The following CFAP54 variants were observed in gnomAD, a reference collection of about 807,000 sequenced individuals.
CFAP54 encodes cilia and flagella associated protein 54, also known as cilia- and flagella-associated protein 54.
In CFAP54, 290 loss-of-function variants were observed where a neutral mutation model predicts 370.4. The observed-to-expected ratio is 0.78, with a 90% confidence interval of 0.71 to 0.86. CFAP54 has a LOEUF of 0.86. CFAP54 is among the 40% of genes least tolerant of loss of function. The pLI is 0.00. For missense variants in CFAP54, 3,399 were observed against 3,528.7 expected (o/e 0.96, Z 0.93); for synonymous variants, 1,206 against 1,236.5 (o/e 0.98, Z 0.52).
At chr12:96,727,578 A>C (rs983948699) in intron 50 of CFAP54, among the ~76,000 whole-genome samples, 1 of 150,466 alleles carries the variant, frequency 6.6e-6, no homozygotes, top group Admixed American at 6.6e-5. Flanking sequence ...GTCTCTGCAC[A>C]TGAGATGGGT....
intron 66 of CFAP54, among the ~76,000 whole-genome samples, chr12:96,840,614 C>A (rs1592802125): frequency 9.7e-6 from 1 of 102,888 alleles, no homozygotes; most frequent in East Asian, 3.0e-4. Context: ...TCTTTCTTTT[C>A]TCTGTTTCTT....
chr12:96,494,960 C>T (rs1208179814), intron 1 of CFAP54, among the ~76,000 whole-genome samples: 4 of 151,988 alleles, frequency 2.6e-5, no homozygotes, highest in Admixed American at 6.5e-5. Context: ...ATCTTGACCT[C>T]GTGATCCGAC....
At chr12:96,683,652 CA>C (rs1224668284) in intron 40 of CFAP54, among the ~76,000 whole-genome samples, 3 of 152,170 alleles carry the variant, frequency 2.0e-5, no homozygotes, top group African/African-American at 7.2e-5. Context: ...TGACATCTAG[CA>C]AAACCCTTTC....
At chr12:96,575,158 T>C (rs1955962507) in intron 19 of CFAP54, among the ~76,000 whole-genome samples, 1 of 152,150 alleles carries the variant, frequency 6.6e-6, no homozygotes, top group Non-Finnish European at 1.5e-5. Flanking sequence ...TATTGGCTAT[T>C]TGTGTCTTTT....
intron 5 of CFAP54, among the ~76,000 whole-genome samples, chr12:96,515,597 T>A (rs1350554474): frequency 6.6e-6 from 1 of 152,188 alleles, no homozygotes; most frequent in East Asian, 1.9e-4. Flanking sequence ...CTGAGGGCTT[T>A]GAATACTGTA....
chr12:96,762,693 A>G (rs1297560168), intron 58 of CFAP54, among the ~76,000 whole-genome samples: 3 of 152,226 alleles, frequency 2.0e-5, no homozygotes, highest in East Asian at 3.8e-4. Context: ...ATTTAAGTAG[A>G]TAAATTGCCC....
intron 33 of CFAP54, chr12:96,646,744 C>T (rs1447504551): frequency 4.6e-5 from 7 of 152,138 alleles, no homozygotes; most frequent in African/African-American, 4.8e-5. Flanking sequence ...AAATGTGGCA[C>T]GTATACACCA....
At chr12:96,722,892 C>CAAA (rs1957775124) in intron 50 of CFAP54, among the ~76,000 whole-genome samples, 1 of 152,056 alleles carries the variant, frequency 6.6e-6, no homozygotes, top group Non-Finnish European at 1.5e-5. Flanking sequence ...TGGTCATTAA[C>CAAA]TGAAATGGGG....
intron 60 of CFAP54, among the ~76,000 whole-genome samples, chr12:96,773,314 A>C (rs1565973595): frequency 6.6e-6 from 1 of 152,124 alleles, no homozygotes; most frequent in East Asian, 1.9e-4. Flanking sequence ...TAAAAACCAC[A>C]CTTCTTCTGC....
At position 96,827,083 on chromosome 12, in the gene CFAP54, A is replaced by T. The variant is rs182926207; in HGVS notation, c.9097-1931A>T. Among the ~76,000 whole-genome samples the T allele has an allele frequency of 9.3e-3, 989 of 106,894 alleles. 28 individuals carry two copies. Among genetic ancestry groups the T allele is most frequent in the Admixed American group, 0.055 (470 of 8,604 alleles). 70.1% of individuals were successfully genotyped at this position (106,894 alleles called of 152,430 possible). A position where few individuals can be genotyped will look rare whatever the true frequency, so the allele number is the denominator to read the frequency against. On this transcript the variant is annotated intron_variant, in intron 65 of 67. Transcript: ENST00000524981. ...TATATATAATATGCAATTATATGTG[A>T]TTATATATAATGTGCAATTATATGT... is the stretch of plus-strand genomic sequence containing the variant.
intron 63 of CFAP54, among the ~76,000 whole-genome samples, chr12:96,809,851 A>G (rs889459255): frequency 2.0e-5 from 3 of 151,988 alleles, no homozygotes; most frequent in Non-Finnish European, 4.4e-5. Context: ...ATTCTGTTAG[A>G]CTCCTGCCTA....
At chr12:96,566,900 G>C (rs1955869811) in intron 19 of CFAP54, among the ~76,000 whole-genome samples, 1 of 152,052 alleles carries the variant, frequency 6.6e-6, no homozygotes, top group Admixed American at 6.6e-5. Context: ...TCTTTTTGTG[G>C]TTCTGCCTTT....
At chr12:96,555,643 A>G (rs977629381) in intron 17 of CFAP54, among the ~76,000 whole-genome samples, 1 of 150,672 alleles carries the variant, frequency 6.6e-6, no homozygotes, top group African/African-American at 2.4e-5. Flanking sequence ...AAAAGACATC[A>G]TTTTTATATC....
chr12:96,868,285 A>G (rs1960058594), intron 67 of CFAP54, among the ~76,000 whole-genome samples: 1 of 152,156 alleles, frequency 6.6e-6, no homozygotes, highest in South Asian at 2.1e-4. Flanking sequence ...CCCACTTTGT[A>G]CAAAAATTTA....
At chr12:96,664,622 ATG>A (rs55839375) in intron 39 of CFAP54, among the ~76,000 whole-genome samples, 11,778 of 114,600 alleles carry the variant, frequency 0.1, 749 homozygotes, top group South Asian at 0.3. Flanking sequence ...CCAAGAACGT[ATG>A]TGTGTGTGTG....
chr12:96,784,956 T>C, intron 61 of CFAP54, 66 bp downstream of exon 61: 4 of 1,216,716 alleles, frequency 3.3e-6, no homozygotes, highest in Non-Finnish European at 4.3e-6. Flanking sequence ...TCATGTTTCT[T>C]GTTGAGAATT....
chr12:96,713,325 A>G (rs1051182160), intron 48 of CFAP54, among the ~76,000 whole-genome samples: 1 of 152,164 alleles, frequency 6.6e-6, no homozygotes, highest in Non-Finnish European at 1.5e-5. Flanking sequence ...AATATGATAT[A>G]TATACACGAT....
intron 32 of CFAP54, among the ~76,000 whole-genome samples, chr12:96,636,511 G>A (rs867256758): frequency 2.6e-5 from 4 of 151,864 alleles, no homozygotes; most frequent in East Asian, 1.9e-4. Flanking sequence ...GTCTTCTCTC[G>A]TATTTTTGTC....
chr12:96,870,465 A>G (rs1960128009), intron 67 of CFAP54, among the ~76,000 whole-genome samples: 1 of 152,150 alleles, frequency 6.6e-6, no homozygotes, highest in Admixed American at 6.5e-5. Flanking sequence ...TACCACCTGC[A>G]TGAATTTGGC....
Sources: gnomAD v4.1 joint callset for allele counts (sites outside exome capture counted in the v4.1 genomes callset) on GRCh38, gnomAD v4.1.1 for gene constraint, MANE v1.5 for transcripts, NCBI Gene and HGNC (gene_info 2026-07-23, HGNC 2026-07-21) for gene names.